Variants in ZNF408 observed in about 807,000 individuals in gnomAD.
ZNF408 encodes PR domain zinc finger protein 17.
In ZNF408, 24 loss-of-function variants were observed where a neutral mutation model predicts 27.6. That is an observed-to-expected ratio of 0.87 (90% CI 0.63 to 1.22). ZNF408 has a LOEUF of 1.22. Ranked by LOEUF, ZNF408 falls within the 50% of genes most tolerant of loss-of-function variation. ZNF408 has a pLI of 0.00. For synonymous variants in ZNF408, 410 were observed against 396.1 expected (o/e 1.04, Z -0.42); for missense variants, 897 against 949.0 (o/e 0.95, Z 0.72).
At position 46,704,394 on chromosome 11, in the gene ZNF408, A is replaced by AT; in HGVS notation, c.695dup (p.Met232IlefsTer7). The AT allele has an allele frequency of 6.2e-7, 1 of 1,610,922 alleles. No individual in the cohort carries two copies. The highest frequency in any genetic ancestry group is 8.5e-7 in the Non-Finnish European group (1 of 1,178,228). On this transcript the variant is annotated frameshift_variant, in exon 5 of 5. Coordinates refer to ENST00000311764, the MANE Select transcript of ZNF408 (RefSeq NM_024741.3). LOFTEE classifies it low-confidence loss of function (END_TRUNC). ...ACCCTCTGGCATCCAGGCAGAGAAT[A>AT]TGGTGAGCCCTGGACTTAAGTTCCC... is the stretch of plus-strand genomic sequence containing the variant.
intron 4 of ZNF408, among the ~76,000 whole-genome samples, 191 bp downstream of exon 4, chr11:46,703,434 A>G (rs1008153247): frequency 3.3e-5 from 5 of 152,192 alleles, no homozygotes; most frequent in African/African-American, 1.2e-4. Context: ...AGTATTGGGT[A>G]AGGATTATGA....
intron 4 of ZNF408, among the ~76,000 whole-genome samples, chr11:46,703,598 T>A (rs1411578762): frequency 2.6e-5 from 4 of 152,086 alleles, no homozygotes; most frequent in Non-Finnish European, 1.5e-5. Flanking sequence ...TTTACCTTCC[T>A]AAGAGCTTCC....
chr11:46,703,081 G>A lies in ZNF408; in HGVS notation c.490G>A (p.Gly164Ser). The change falls in exon 4 of 5, where the codon GGC (glycine) becomes AGC (serine). Residue 164 changes from glycine (G) to serine (S), a missense_variant. By Grantham distance (56) the Gly-to-Ser change is moderately conservative. Transcript: ENST00000311764. ...HLQVYQLVLP[G>S]SELLLWPQPS... is the part of the protein sequence containing the mutation. Reference sequence around the variant, plus strand: ...GCAAGTGTACCAGCTGGTGCTGCCAGGCTCTGAACTGCTGCTGTGGCCCCA... The same window carrying A: ...GCAAGTGTACCAGCTGGTGCTGCCAAGCTCTGAACTGCTGCTGTGGCCCCA... 1 of 1,613,504 alleles carries A rather than the reference G, an allele frequency of 6.2e-7. No individual in the cohort carries two copies. The highest frequency in any genetic ancestry group is 8.5e-7 in the Non-Finnish European group (1 of 1,179,754).
Position 46,705,562 on chromosome 11 carries a change from G to A in ZNF408, c.1862G>A (p.Ser621Asn), listed in dbSNP as rs2064746003. Residue 621 changes from serine to asparagine, a missense_variant, in exon 5 of 5, where the codon AGC becomes AAC. Physicochemically the swap from Ser to Asn is conservative, Grantham distance 46. Transcript: ENST00000311764. This position sits in a 1 kb window ranked among gnomAD's most constrained non-coding sequence, Gnocchi z 6.5. ...GGCATGGGCTACACCCTCCCGCAGA[G>A]CCTCAGGCGGCATCAGCTCAGTCAC... Reference protein sequence around the residue: ...TCGMGYTLPQSLRRHQLSHRP... With the variant: ...TCGMGYTLPQNLRRHQLSHRP... The A allele has an allele frequency of 3.1e-6, 5 of 1,606,108 alleles. No homozygotes were observed. The East Asian group carries it at 8.9e-5, about 29-fold the overall frequency.
At position 46,702,970 on chromosome 11, in the gene ZNF408, ACTTTG is replaced by A; in HGVS notation, c.393-7_393-3del. On this transcript the variant is annotated splice_polypyrimidine_tract_variant and intron_variant, in intron 3 of 4. Coordinates refer to ENST00000311764, the MANE Select transcript of ZNF408 (RefSeq NM_024741.3). ...AGTGAGCATCTCCTAGCTGGCTGTTACTTTGCTTTGCAGCTTGGTACAACGGGGCA... is the reference window on the plus strand; with the variant it reads ...AGTGAGCATCTCCTAGCTGGCTGTTACTTTGCAGCTTGGTACAACGGGGCA... The A allele has an allele frequency of 6.2e-7, 1 of 1,613,406 alleles. No individual in the cohort carries two copies. Among genetic ancestry groups the A allele is most frequent in the Non-Finnish European group, 8.5e-7 (1 of 1,179,428 alleles).
At position 46,703,262 on chromosome 11, in the gene ZNF408, C is replaced by G; in HGVS notation, c.652+19C>G. 1 of 1,595,310 alleles carries G rather than the reference C, an allele frequency of 6.3e-7. No homozygotes were observed. Among genetic ancestry groups the G allele is most frequent in the African/African-American group, 1.3e-5 (1 of 74,626 alleles). ...TGCATAGGTATGTGTCAAATAAATGCTGGTTTCCCAGCAATTTCCCCACCA... is the reference window on the plus strand; with the variant it reads ...TGCATAGGTATGTGTCAAATAAATGGTGGTTTCCCAGCAATTTCCCCACCA... On this transcript the variant is annotated intron_variant, in intron 4 of 4. Transcript: ENST00000311764.
Position 46,705,872 on chromosome 11 carries a change from C to A in ZNF408, c.*9C>A. ...TGGAGATGGGCACCTGACAGCTTTG[C>A]CTTTTGCTGACACAGCTCCATAAAG... On this transcript the variant is annotated 3_prime_UTR_variant, in exon 5 of 5. Transcript: ENST00000311764. The surrounding 1 kb of genome is among the most constrained non-coding windows in gnomAD (Gnocchi z 6.5). 6.2e-7 allele frequency: 1 copy of A among 1,606,822 alleles called. No individual in the cohort carries two copies. Among genetic ancestry groups the A allele is most frequent in the Non-Finnish European group, 8.5e-7 (1 of 1,176,628 alleles).
chr11:46,703,848 A>G (rs575980319), intron 4 of ZNF408, among the ~76,000 whole-genome samples: 6 of 145,436 alleles, frequency 4.1e-5, no homozygotes, highest in Admixed American at 1.4e-4. Context: ...GCTCGCTGCA[A>G]CCTCTGCCTC....
At position 46,702,248 on chromosome 11, in the gene ZNF408, C is replaced by G. The variant is rs542507122; in HGVS notation, c.331-456C>G. On this transcript the variant is annotated intron_variant, in intron 2 of 4. Transcript: ENST00000311764. ...TAGCTGGGATTACAGATGTGCACCA[C>G]CACACCCAGCTAATTTTTGTATTTT... Among the ~76,000 whole-genome samples the G allele has an allele frequency of 5.4e-4, 82 of 152,302 alleles. 1 individual carries two copies. The Middle Eastern group carries it at 0.024, about 44-fold the overall frequency.
At chr11:46,704,272 A>G in intron 4 of ZNF408, 81 bp from the exon 5 acceptor site, 1 of 1,461,554 alleles carries the variant, frequency 6.8e-7, no homozygotes, top group Non-Finnish European at 9.2e-7. Flanking sequence ...GGGTGGGAGA[A>G]AACATCTGAT....
chr11:46,704,586 G>T lies in ZNF408; in HGVS notation c.886G>T (p.Ala296Ser), dbSNP rs1053683092. The change falls in exon 5 of 5, where the codon GCC becomes TCC. Residue 296 changes from alanine to serine, a missense_variant. By Grantham distance (99) the Ala-to-Ser change is moderately conservative (BLOSUM62 1). Transcript: ENST00000311764. ...CAGTGGAGCCAGTTTCTCATCTTCT[G>T]CCAGGGGCACCCAGCCGCATGGCTA... Reference protein sequence around the residue: ...DGSGASFSSSARGTQPHGYLA... With the variant: ...DGSGASFSSSSRGTQPHGYLA... 3.7e-6 allele frequency: 6 copies of T among 1,613,724 alleles called. No individual in the cohort carries two copies. The highest frequency in any genetic ancestry group is 5.1e-6 in the Non-Finnish European group (6 of 1,179,922).
Position 46,705,031 on chromosome 11 carries a change from A to C in ZNF408, c.1331A>C (p.Lys444Thr). Residue 444 changes from lysine to threonine, a missense_variant, in exon 5 of 5, where the codon AAG (lysine) becomes ACG (threonine). Transcript: ENST00000311764. This position sits in a 1 kb window ranked among gnomAD's most constrained non-coding sequence, Gnocchi z 6.5. ...CCCTTTGCTTGTGACCAGTGTGGCAAGGCCTTTGCCCGCCGGCCCTCCCTG... is the reference window on the plus strand; with the variant it reads ...CCCTTTGCTTGTGACCAGTGTGGCACGGCCTTTGCCCGCCGGCCCTCCCTG... The part of the protein sequence containing the change: ...ARPFACDQCG[K>T]AFARRPSLRL... 6.2e-7 allele frequency: 1 copy of C among 1,613,198 alleles called. No homozygotes were observed. The highest frequency in any genetic ancestry group is 1.3e-5 in the African/African-American group (1 of 75,040).
In ZNF408 at chr11:46,705,381, C is replaced by T. The variant is rs1222734712; in HGVS notation, c.1681C>T (p.Arg561Ter). ...GTGCCCGGTGTGTGGCAAGGCCCTC[C>T]GAGACCCACACACGCTCCGAGCTCA... Reference protein sequence around the residue: ...HLCPVCGKALRDPHTLRAHER... With the variant: ...HLCPVCGKAL The change falls in exon 5 of 5, where the codon CGA becomes TGA. Residue 561 changes from arginine to a stop codon, truncating the protein, a stop_gained. Coordinates refer to ENST00000311764, the MANE Select transcript of ZNF408 (RefSeq NM_024741.3). LOFTEE classifies it low-confidence loss of function (END_TRUNC). This position sits in a 1 kb window ranked among gnomAD's most constrained non-coding sequence, Gnocchi z 6.5. 9 of 1,608,588 alleles carry T rather than the reference C, an allele frequency of 5.6e-6. No homozygotes were observed. Among genetic ancestry groups the T allele is most frequent in the Admixed American group, 1.7e-5 (1 of 59,982 alleles).
At chr11:46,701,163 C>T (rs1329446545) in intron 1 of ZNF408, 64 bp downstream of exon 1, 3 of 1,612,996 alleles carry the variant, frequency 1.9e-6, no homozygotes, top group Non-Finnish European at 1.7e-6. Context: ...GCTCTGTGGT[C>T]AGCTTTCTCC....
rs1351288414 is a variant in ZNF408 at position 46,705,083 on chromosome 11, G to T, written c.1383G>T (p.Val461=). 1 of 1,612,384 alleles carries T rather than the reference G, an allele frequency of 6.2e-7. No individual in the cohort carries two copies. The highest frequency in any genetic ancestry group is 1.7e-5 in the Admixed American group (1 of 59,994). ...SLRLHRKTHQ[V]PAAPAPCPCP... ...GGCTGCATCGCAAGACCCACCAGGT[G>T]CCAGCTGCCCCTGCCCCTTGCCCAT... is the stretch of plus-strand genomic sequence containing the variant. Residue 461 remains valine (V), a synonymous_variant, in exon 5 of 5, where the codon GTG becomes GTT. Coordinates refer to ENST00000311764, the MANE Select transcript of ZNF408 (RefSeq NM_024741.3). The surrounding 1 kb of genome is among the most constrained non-coding windows in gnomAD (Gnocchi z 6.5).
rs552962221 is a variant in ZNF408 at position 46,702,777 on chromosome 11, G to C, written c.392+12G>C. 12 of 1,613,956 alleles carry C rather than the reference G, an allele frequency of 7.4e-6. No individual in the cohort carries two copies. The highest frequency in any genetic ancestry group is 1.6e-4 in the Middle Eastern group (1 of 6,084). On this transcript the variant is annotated intron_variant, in intron 3 of 4. Transcript: ENST00000311764. Reference sequence around the variant, plus strand: ...TCTGGCTGGACTAGGTAAGTCAGAGGAGAGTGTGTCGTTCCTTTGAGGTTT... The same window carrying C: ...TCTGGCTGGACTAGGTAAGTCAGAGCAGAGTGTGTCGTTCCTTTGAGGTTT...
In ZNF408 at chr11:46,704,635, C is replaced by T; in HGVS notation, c.935C>T (p.Pro312Leu). The change falls in exon 5 of 5, where the codon CCC (proline) becomes CTC (leucine). Residue 312 changes from proline (P) to leucine (L), a missense_variant. Transcript: ENST00000311764. The part of the protein sequence containing the change: ...HGYLAKKLHS[P>L]SDQCPPRAKT... Reference sequence around the variant, plus strand: ...TACCTGGCCAAGAAGTTACACAGCCCCAGTGATCAGTGCCCACCCAGAGCA... The same window carrying T: ...TACCTGGCCAAGAAGTTACACAGCCTCAGTGATCAGTGCCCACCCAGAGCA... 1.2e-6 allele frequency: 2 copies of T among 1,613,976 alleles called. No individual in the cohort carries two copies. The highest frequency in any genetic ancestry group is 1.7e-6 in the Non-Finnish European group (2 of 1,180,020).
In ZNF408 at chr11:46,701,418, C is replaced by T; in HGVS notation, c.72C>T (p.Gly24=). 6.2e-7 allele frequency: 1 copy of T among 1,613,888 alleles called. No individual in the cohort carries two copies. Among genetic ancestry groups the T allele is most frequent in the Non-Finnish European group, 8.5e-7 (1 of 1,179,922 alleles). Residue 24 remains glycine, a synonymous_variant, in exon 2 of 5, where the codon GGC becomes GGT. Coordinates refer to ENST00000311764, the MANE Select transcript of ZNF408 (RefSeq NM_024741.3). ...ALQLAREPRL[G]LDLGWNPSGE... is the part of the protein sequence containing the mutation. The stretch of plus-strand genomic sequence containing the variant: ...CTGCAGCCCGCGAGCCGCGCCTGGG[C>T]CTGGACTTAGGATGGAACCCTTCCG...
At position 46,702,993 on chromosome 11, in the gene ZNF408, A is replaced by G. The variant is rs561320549; in HGVS notation, c.402A>G (p.Gln134=). ...EQSSGWTSLV[Q]RGRLESEGNV... ...TTACTTTGCTTTGCAGCTTGGTACA[A>G]CGGGGCAGGCTGGAGAGTGAGGGAA... Residue 134 remains glutamine (Q), a synonymous_variant, in exon 4 of 5, where the codon CAA becomes CAG. Transcript: ENST00000311764. 5.0e-5 allele frequency: 81 copies of G among 1,613,998 alleles called. No homozygotes were observed. In the South Asian group the frequency reaches 7.9e-4, roughly 16 times the overall value.
Sources: gnomAD v4.1 joint callset for allele counts (sites outside exome capture counted in the v4.1 genomes callset) on GRCh38, gnomAD v4.1.1 for gene constraint, Gnocchi (gnomAD v3.1) non-coding constraint, MANE v1.5 for transcripts, NCBI Gene and HGNC (gene_info 2026-07-23, HGNC 2026-07-21) for gene names.